The following VWA8 variants were observed in gnomAD, a reference collection of about 807,000 sequenced individuals.
VWA8 encodes von Willebrand factor A domain containing 8.
In VWA8, 221 loss-of-function variants were observed where a neutral mutation model predicts 241.5. That is an observed-to-expected ratio of 0.91 (90% confidence interval 0.82 to 1.02). The LOEUF (loss-of-function observed/expected upper bound fraction) is 1.02, where lower values mean the gene tolerates loss of function less well. VWA8 is among the 50% of genes least tolerant of loss of function. The pLI is 0.00. For missense variants in VWA8, 2,322 were observed against 2,328.7 expected, an observed-to-expected ratio of 1.00 and a Z score of 0.06; for synonymous variants, 852 against 827.1, an observed-to-expected ratio of 1.03 and a Z score of -0.52.
chr13:41,889,602 C>T (rs1436602887), intron 5 of VWA8, among the ~76,000 whole-genome samples: 1 of 152,180 alleles, frequency 6.6e-6, no homozygotes, highest in Non-Finnish European at 1.5e-5. Context: ...TGATCTTGAA[C>T]TCCTGACCTC....
At chr13:41,725,189 G>A (rs770670553) in intron 24 of VWA8, among the ~76,000 whole-genome samples, 6 of 142,052 alleles carry the variant, frequency 4.2e-5, no homozygotes, top group Non-Finnish European at 9.6e-5. Flanking sequence ...TGGAATTGAA[G>A]CTGGGTAAGA....
intron 21 of VWA8, among the ~76,000 whole-genome samples, chr13:41,738,561 CT>C (rs1356293589): frequency 1.3e-5 from 2 of 152,122 alleles, no homozygotes; most frequent in African/African-American, 4.8e-5. Context: ...AGTCTTTTAA[CT>C]ACCTAAAAAT....
intron 26 of VWA8, among the ~76,000 whole-genome samples, chr13:41,706,547 C>T (rs2045283595): frequency 6.6e-6 from 1 of 152,116 alleles, no homozygotes; most frequent in South Asian, 2.1e-4. Context: ...ACTACTAAGA[C>T]CTCTGAATAA....
chr13:41,592,910 C>T (rs1455514894), intron 40 of VWA8, among the ~76,000 whole-genome samples: 1 of 152,102 alleles, frequency 6.6e-6, no homozygotes, highest in African/African-American at 2.4e-5. Context: ...TTAATAAAAT[C>T]TTACTTGGCA....
chr13:41,719,591 T>C lies in VWA8; in HGVS notation c.3116A>G (p.Glu1039Gly). Reference protein sequence around the residue: ...AKPTSVQLAKELTLPEQTFMG... With the variant: ...AKPTSVQLAKGLTLPEQTFMG... ...CAGAAGAGTACTGAATTTGCCTTACTCCTTTGCCAGCTGCACACTGGTAGG... is the reference window on the plus strand; with the variant it reads ...CAGAAGAGTACTGAATTTGCCTTACCCCTTTGCCAGCTGCACACTGGTAGG... Residue 1039 changes from glutamate (E) to glycine (G), a missense_variant and splice_region_variant, in exon 26 of 45, where the codon GAG becomes GGG. Physicochemically the swap from Glu to Gly is moderately conservative, Grantham distance 98. Coordinates refer to ENST00000379310, the MANE Select transcript of VWA8 (RefSeq NM_015058.2). 6.2e-7 allele frequency: 1 copy of C among 1,612,866 alleles called. No homozygotes were observed. The highest frequency in any genetic ancestry group is 1.7e-4 in the Middle Eastern group (1 of 6,054).
At chr13:41,748,077 T>C (rs191083183) in intron 21 of VWA8, among the ~76,000 whole-genome samples, 1 of 152,346 alleles carries the variant, frequency 6.6e-6, no homozygotes, top group East Asian at 1.9e-4. Flanking sequence ...GTTGTGTCTC[T>C]GCCAGGCTTT....
chr13:41,634,376 T>C (rs905217403), intron 37 of VWA8, among the ~76,000 whole-genome samples: 17 of 152,220 alleles, frequency 1.1e-4, no homozygotes, highest in South Asian at 2.1e-4. Flanking sequence ...TGTGTAGTCA[T>C]GTGAGGTAGC....
At chr13:41,786,789 G>A (rs1869209697) in intron 18 of VWA8, among the ~76,000 whole-genome samples, 1 of 151,998 alleles carries the variant, frequency 6.6e-6, no homozygotes, top group Non-Finnish European at 1.5e-5. Flanking sequence ...TCACACATTG[G>A]CTGCTTCAAT....
At chr13:41,652,197 C>G (rs2139688654) in intron 37 of VWA8, among the ~76,000 whole-genome samples, 2 of 152,240 alleles carry the variant, frequency 1.3e-5, no homozygotes, top group South Asian at 4.1e-4. Context: ...AGCATTTAGT[C>G]TAAATTCTAC....
intron 12 of VWA8, among the ~76,000 whole-genome samples, chr13:41,840,832 G>A (rs1427562515): frequency 6.6e-6 from 1 of 151,536 alleles, no homozygotes; most frequent in Admixed American, 6.6e-5. Flanking sequence ...CACAATTCTT[G>A]ATAATAAAAT....
rs183260800 is a variant in VWA8, at chr13:41,916,814, C to T, written c.242-4646G>A. On this transcript the variant is annotated intron_variant, in intron 2 of 44. Transcript: ENST00000379310. ...AAACAAGATTCAAGACTGTACATTA[C>T]GAACATCTGCAAAACAAAGTGCCAA... Among the ~76,000 whole-genome samples the T allele has an allele frequency of 1.4e-4, 21 of 152,280 alleles. No individual in the cohort carries two copies. In the South Asian group the frequency reaches 1.7e-3, roughly 12 times the overall value.
intron 44 of VWA8, among the ~76,000 whole-genome samples, 190 bp downstream of exon 44, chr13:41,570,278 T>C (rs1293717390): frequency 6.6e-6 from 1 of 152,174 alleles, no homozygotes; most frequent in Non-Finnish European, 1.5e-5. Context: ...ATTATTATTG[T>C]TCATCTAAAC....
intron 29 of VWA8, 81 bp downstream of exon 29, chr13:41,698,990 T>C: frequency 6.3e-7 from 1 of 1,581,658 alleles, no homozygotes; most frequent in Non-Finnish European, 8.7e-7. Flanking sequence ...TGAAAGCACA[T>C]CTTTTCAGTT....
At chr13:41,763,113 A>C (rs1459652756) in intron 20 of VWA8, among the ~76,000 whole-genome samples, 3 of 151,842 alleles carry the variant, frequency 2.0e-5, no homozygotes, top group Non-Finnish European at 4.4e-5. Context: ...ATAAAAACAA[A>C]AAACAAACAA....
chr13:41,645,192 G>A (rs563280325), intron 37 of VWA8, among the ~76,000 whole-genome samples: 1 of 152,290 alleles, frequency 6.6e-6, no homozygotes, highest in African/African-American at 2.4e-5. Flanking sequence ...GATAGTGCCT[G>A]GCCATACTAA....
intron 24 of VWA8, among the ~76,000 whole-genome samples, 194 bp from the exon 25 acceptor site, chr13:41,721,769 A>C (rs994812248): frequency 2.0e-5 from 3 of 152,182 alleles, no homozygotes; most frequent in African/African-American, 7.2e-5. Flanking sequence ...TGGATGGTTT[A>C]TCTCCACGAA....
chr13:41,777,765 T>C lies in VWA8; in HGVS notation c.2349+220A>G, dbSNP rs188740069. Among the ~76,000 whole-genome samples the C allele has an allele frequency of 5.8e-4, 88 of 152,234 alleles. No homozygotes were observed. The highest frequency in any genetic ancestry group is 1.9e-3 in the African/African-American group (81 of 41,548). ...AGATGTGGACAAGAAGAGTAGATACTTATAAGACAGAATGTACATAACTTG... is the reference window on the plus strand; with the variant it reads ...AGATGTGGACAAGAAGAGTAGATACCTATAAGACAGAATGTACATAACTTG... On this transcript the variant is annotated intron_variant, in intron 20 of 44. Coordinates refer to ENST00000379310, the MANE Select transcript of VWA8 (RefSeq NM_015058.2).
intron 37 of VWA8, among the ~76,000 whole-genome samples, chr13:41,668,278 GTATAAGCCTT>G (rs1041874467): frequency 2.6e-5 from 4 of 152,114 alleles, no homozygotes; most frequent in Non-Finnish European, 5.9e-5. Flanking sequence ...AGACAAGAGT[GTATAAGCCTT>G]TCATTGCCAG....
intron 14 of VWA8, among the ~76,000 whole-genome samples, chr13:41,826,117 A>G (rs1871160692): frequency 6.6e-6 from 1 of 152,236 alleles, no homozygotes; most frequent in Non-Finnish European, 1.5e-5. Flanking sequence ...ATAAGTTACA[A>G]CATTAAATTA....
Sources: gnomAD v4.1 joint callset for allele counts (sites outside exome capture counted in the v4.1 genomes callset) on GRCh38, gnomAD v4.1.1 for gene constraint, MANE v1.5 for transcripts, NCBI Gene and HGNC (gene_info 2026-07-23, HGNC 2026-07-21) for gene names.